Variants in STK4 observed in about 807,000 individuals in gnomAD.
STK4 encodes serine/threonine-protein kinase 4.
A neutral mutation model predicts 64.9 loss-of-function variants in STK4; 30 were observed. That is an observed-to-expected ratio of 0.46 (90% CI 0.35 to 0.63). The LOEUF is 0.63. STK4 is among the 20% of genes least tolerant of loss of function. The probability of loss-of-function intolerance (pLI) is 0.01; values close to 1 mark genes in which losing one functional copy is unlikely to be tolerated. For synonymous variants in STK4, 177 were observed against 199.0 expected (o/e 0.89, Z 0.93); for missense variants, 466 against 598.5 (o/e 0.78, Z 2.31).
intron 10 of STK4, among the ~76,000 whole-genome samples, chr20:45,032,973 A>C (rs1237639389): frequency 6.6e-6 from 1 of 152,286 alleles, no homozygotes; most frequent in African/African-American, 2.4e-5. Flanking sequence ...TCTGACTGGT[A>C]TGAGATAGTA....
intron 7 of STK4, 148 bp from the exon 8 acceptor site, chr20:45,000,244 G>A: frequency 9.2e-7 from 1 of 1,082,954 alleles, no homozygotes; most frequent in South Asian, 1.8e-5. Context: ...AGCGAGTGTG[G>A]TTTAGCTGTT....
intron 1 of STK4, among the ~76,000 whole-genome samples, chr20:44,971,202 A>G (rs1006029036): frequency 2.6e-5 from 4 of 152,208 alleles, no homozygotes; most frequent in African/African-American, 9.6e-5. Flanking sequence ...ATGTTAATTT[A>G]TAACCTCCCA....
intron 10 of STK4, among the ~76,000 whole-genome samples, chr20:45,060,095 A>G (rs1347668152): frequency 6.6e-6 from 1 of 152,104 alleles, no homozygotes; most frequent in Non-Finnish European, 1.5e-5. Flanking sequence ...TTTAATCTCA[A>G]ATAGGTCCTA....
rs1189326075 is a variant in STK4 at position 45,076,530 on chromosome 20, C to G, written c.*1354C>G. ...CTTGCCTTGGCTCTTCAGTAGATGA[C>G]CTGGCTGTAAAGAGATTCCCTGGAC... On this transcript the variant is annotated 3_prime_UTR_variant, in exon 11 of 11. Coordinates refer to ENST00000372806, the MANE Select transcript of STK4 (RefSeq NM_006282.5). This position sits in a 1 kb window ranked among gnomAD's most constrained non-coding sequence, Gnocchi z 4.0. 6.6e-6 allele frequency: 1 copy of G among 152,200 alleles called. No homozygotes were observed. The highest frequency in any genetic ancestry group is 2.4e-5 in the African/African-American group (1 of 41,434). 9.4% of individuals were successfully genotyped at this position (152,200 alleles called of 1,614,324 possible).
At chr20:45,049,048 G>A (rs932911451) in intron 10 of STK4, among the ~76,000 whole-genome samples, 1 of 151,766 alleles carries the variant, frequency 6.6e-6, no homozygotes, top group Non-Finnish European at 1.5e-5. Context: ...ATGTAAAATA[G>A]CTCAAGTAAA....
chr20:45,035,184 T>TA (rs976278657), intron 10 of STK4, among the ~76,000 whole-genome samples: 14 of 152,054 alleles, frequency 9.2e-5, no homozygotes, highest in African/African-American at 2.9e-4. Flanking sequence ...GCTGCATAGA[T>TA]AAAAAAAGAC....
rs1405802099 is a variant in STK4 at position 45,076,392 on chromosome 20, A to G, written c.*1216A>G. The G allele has an allele frequency of 6.6e-6, 1 of 152,296 alleles. No homozygotes were observed. The highest frequency in any genetic ancestry group is 2.4e-5 in the African/African-American group (1 of 41,444). 9.4% of individuals were successfully genotyped at this position (152,296 alleles called of 1,614,324 possible). ...GTTAGCGTTAAGAGCTGAGACTAGA[A>G]TTCAGGGTCCTCACTCCCAGGCCAC... On this transcript the variant is annotated 3_prime_UTR_variant, in exon 11 of 11. Coordinates refer to ENST00000372806, the MANE Select transcript of STK4 (RefSeq NM_006282.5). This position sits in a 1 kb window ranked among gnomAD's most constrained non-coding sequence, Gnocchi z 4.0.
At chr20:45,032,847 C>T (rs1256418865) in intron 10 of STK4, among the ~76,000 whole-genome samples, 1 of 152,174 alleles carries the variant, frequency 6.6e-6, no homozygotes, top group African/African-American at 2.4e-5. Context: ...GAAATCGACA[C>T]ATGGCTTTCC....
chr20:45,065,800 A>T (rs1600568595), intron 10 of STK4, among the ~76,000 whole-genome samples: 1 of 149,908 alleles, frequency 6.7e-6, no homozygotes, highest in African/African-American at 2.5e-5. Context: ...TTATTTATTT[A>T]TTTATTTTTT....
chr20:45,074,926 T>C, intron 10 of STK4, 92 bp from the exon 11 acceptor site: 1 of 1,510,386 alleles, frequency 6.6e-7, no homozygotes, highest in South Asian at 1.2e-5. Flanking sequence ...CCTGTCTCCC[T>C]TCCCTCTGGG....
intron 10 of STK4, among the ~76,000 whole-genome samples, chr20:45,027,606 T>G (rs1280240406): frequency 6.6e-6 from 1 of 152,126 alleles, no homozygotes; most frequent in African/African-American, 2.4e-5. Flanking sequence ...ACCTCAGACG[T>G]TTTTCTTTGT....
intron 10 of STK4, among the ~76,000 whole-genome samples, chr20:45,033,006 A>G (rs1163536803): frequency 6.6e-6 from 1 of 151,870 alleles, no homozygotes; most frequent in Non-Finnish European, 1.5e-5. Flanking sequence ...TTTGATTTGC[A>G]TTTTTCTAAT....
intron 5 of STK4, among the ~76,000 whole-genome samples, chr20:44,992,876 A>G (rs2067660494): frequency 6.6e-6 from 1 of 151,602 alleles, no homozygotes; most frequent in African/African-American, 2.4e-5. Flanking sequence ...TTGTACTTTT[A>G]GTAGAGACGG....
intron 10 of STK4, among the ~76,000 whole-genome samples, chr20:45,065,407 TTTTTTG>T (rs778483549): frequency 3.9e-5 from 6 of 152,222 alleles, no homozygotes; most frequent in Non-Finnish European, 5.9e-5. Context: ...GGCCTGAAGT[TTTTTTG>T]TTTTTGTTTT....
At chr20:45,054,868 C>T (rs1354524265) in intron 10 of STK4, among the ~76,000 whole-genome samples, 1 of 152,170 alleles carries the variant, frequency 6.6e-6, no homozygotes, top group East Asian at 1.9e-4. Flanking sequence ...CCTGTAATCA[C>T]TGTCCAACAA....
chr20:45,037,928 A>G (rs562143230), intron 10 of STK4, among the ~76,000 whole-genome samples: 10 of 152,268 alleles, frequency 6.6e-5, no homozygotes, highest in Admixed American at 1.3e-4. Flanking sequence ...GGTAGAAGAA[A>G]TGCTTTATTT....
chr20:45,002,262 C>T (rs1186692871), intron 9 of STK4, among the ~76,000 whole-genome samples: 1 of 152,182 alleles, frequency 6.6e-6, no homozygotes, highest in African/African-American at 2.4e-5. Flanking sequence ...TGTACATGCA[C>T]GTGTTAGGGA....
intron 9 of STK4, among the ~76,000 whole-genome samples, chr20:45,004,910 AGGT>A (rs1601247081): frequency 6.6e-6 from 1 of 151,664 alleles, no homozygotes; most frequent in South Asian, 2.1e-4. Flanking sequence ...CTGGGATTAC[AGGT>A]GCATGCCACT....
intron 10 of STK4, among the ~76,000 whole-genome samples, chr20:45,055,469 C>T (rs1323000345): frequency 1.3e-5 from 2 of 152,000 alleles, no homozygotes; most frequent in Admixed American, 1.3e-4. Context: ...GCTTTTCATT[C>T]CTGTTATTTG....
Sources: gnomAD v4.1 joint callset for allele counts (sites outside exome capture counted in the v4.1 genomes callset) on GRCh38, gnomAD v4.1.1 for gene constraint, Gnocchi (gnomAD v3.1) non-coding constraint, MANE v1.5 for transcripts, NCBI Gene and HGNC (gene_info 2026-07-23, HGNC 2026-07-21) for gene names.